ST18: variants seen among roughly 807,000 people sequenced by gnomAD.
ST18 encodes the protein suppression of tumorigenicity 18 protein.
A neutral mutation model predicts 110.0 loss-of-function variants in ST18; 50 were observed. The observed-to-expected ratio is 0.45, with a 90% CI of 0.36 to 0.58. The LOEUF (loss-of-function observed/expected upper bound fraction) is 0.58. Among genes scored for constraint, ST18 ranks in the 20% least tolerant of loss-of-function variants. ST18 has a pLI of 0.00. For missense variants in ST18, 1,306 were observed against 1,280.1 expected (o/e 1.02, Z -0.31); for synonymous variants, 461 against 452.4 (o/e 1.02, Z -0.24).
intron 15 of ST18, among the ~76,000 whole-genome samples, chr8:52,156,943 C>T (rs1248684146): frequency 2.0e-5 from 3 of 152,168 alleles, no homozygotes; most frequent in Non-Finnish European, 2.9e-5. Flanking sequence ...CTTCCACCCT[C>T]GTCACCACAT....
chr8:52,209,702 G>A (rs917136360), intron 8 of ST18, among the ~76,000 whole-genome samples: 17 of 149,344 alleles, frequency 1.1e-4, no homozygotes, highest in Admixed American at 2.0e-4. Flanking sequence ...CCCAGGAGGC[G>A]GAGGTTGCAG....
At position 52,171,661 on chromosome 8, in the gene ST18, A is replaced by G. The variant is rs893250174; in HGVS notation, c.1069+131T>C. On this transcript the variant is annotated intron_variant, in intron 10 of 25. Transcript: ENST00000689386. ...GGAAAAGAAAGAAATTGTTTATTTTATAATTATAAATTGATTTTTAAGTTG... is the reference window on the plus strand; with the variant it reads ...GGAAAAGAAAGAAATTGTTTATTTTGTAATTATAAATTGATTTTTAAGTTG... 4 of 925,434 alleles carry G rather than the reference A, an allele frequency of 4.3e-6. No homozygotes were observed. In the African/African-American group the frequency reaches 5.0e-5, roughly 12 times the overall value. 57.3% of individuals were successfully genotyped at this position (925,434 alleles called of 1,614,324 possible).
At chr8:52,240,687 T>C (rs1484965472) in intron 2 of ST18, among the ~76,000 whole-genome samples, 1 of 152,206 alleles carries the variant, frequency 6.6e-6, no homozygotes, top group Non-Finnish European at 1.5e-5. Context: ...GTCAAACTTC[T>C]TAATATTCCC....
At chr8:52,166,614 A>G (rs1026636969) in intron 11 of ST18, among the ~76,000 whole-genome samples, 2 of 152,184 alleles carry the variant, frequency 1.3e-5, no homozygotes, top group African/African-American at 4.8e-5. Flanking sequence ...TCCTCTGGAC[A>G]CTGTGAGGAA....
intron 22 of ST18, among the ~76,000 whole-genome samples, chr8:52,130,622 T>C (rs933804355): frequency 2.6e-5 from 4 of 152,242 alleles, no homozygotes; most frequent in African/African-American, 7.2e-5. Flanking sequence ...GCATTTGTTG[T>C]TTTCAAATTG....
At chr8:52,153,438 CT>C (rs548783881) in intron 15 of ST18, among the ~76,000 whole-genome samples, 4 of 152,114 alleles carry the variant, frequency 2.6e-5, no homozygotes, top group Non-Finnish European at 4.4e-5. Context: ...TTGGGAGTAT[CT>C]TTTCCATACT....
At chr8:52,238,417 A>G (rs570684838) in intron 2 of ST18, among the ~76,000 whole-genome samples, 1 of 152,216 alleles carries the variant, frequency 6.6e-6, no homozygotes, top group South Asian at 2.1e-4. Flanking sequence ...CAACCTCTAT[A>G]GAAAACAGTA....
intron 2 of ST18, among the ~76,000 whole-genome samples, chr8:52,320,088 A>G (rs1025427091): frequency 6.6e-6 from 1 of 152,230 alleles, no homozygotes; most frequent in African/African-American, 2.4e-5. Flanking sequence ...ATTTGGGCCT[A>G]TATTTTAAAA....
At chr8:52,291,222 G>A (rs2095550785) in intron 2 of ST18, among the ~76,000 whole-genome samples, 1 of 152,170 alleles carries the variant, frequency 6.6e-6, no homozygotes, top group Admixed American at 6.5e-5. Context: ...TGCTGGTTAA[G>A]CTCCCATTTT....
At chr8:52,360,054 G>A (rs1825014078) in intron 2 of ST18, among the ~76,000 whole-genome samples, 1 of 152,006 alleles carries the variant, frequency 6.6e-6, no homozygotes, top group African/African-American at 2.4e-5. Flanking sequence ...ATTAGTATGA[G>A]AAACTAATTT....
intron 2 of ST18, among the ~76,000 whole-genome samples, chr8:52,367,514 T>G (rs7464269): frequency 6.6e-6 from 1 of 152,112 alleles, no homozygotes; most frequent in Non-Finnish European, 1.5e-5. Flanking sequence ...AGTGTATAAA[T>G]ATATAAAGGT....
chr8:52,177,970 T>C (rs2067559754), intron 9 of ST18, among the ~76,000 whole-genome samples: 1 of 152,242 alleles, frequency 6.6e-6, no homozygotes, highest in South Asian at 2.1e-4. Flanking sequence ...TTCATTATTA[T>C]TATTAGTGGT....
At chr8:52,175,188 A>AC (rs1554665288) in intron 9 of ST18, among the ~76,000 whole-genome samples, 3 of 152,202 alleles carry the variant, frequency 2.0e-5, no homozygotes, top group Non-Finnish European at 4.4e-5. Context: ...TGGAGGCCAC[A>AC]CGGGAATACC....
chr8:52,140,256 G>A (rs562305131), intron 17 of ST18, among the ~76,000 whole-genome samples: 24 of 152,228 alleles, frequency 1.6e-4, no homozygotes, highest in Non-Finnish European at 2.6e-4. Context: ...TAGACTGGGC[G>A]TGGTGGCTCA....
intron 8 of ST18, among the ~76,000 whole-genome samples, chr8:52,196,821 C>T (rs1302245019): frequency 6.6e-6 from 1 of 152,134 alleles, no homozygotes; most frequent in African/African-American, 2.4e-5. Context: ...AGCCAACTGT[C>T]ACTCATGCAT....
In ST18 at chr8:52,110,966, A is replaced by G; in HGVS notation, c.*2232T>C. The stretch of plus-strand genomic sequence containing the variant: ...CAAACAAACTACCTCAAATTAAAAA[A>G]AATGCATACATCATTGCCTTTTTGT... On this transcript the variant is annotated 3_prime_UTR_variant, in exon 26 of 26. Transcript: ENST00000689386. 2.5e-6 allele frequency: 1 copy of G among 398,692 alleles called. No individual in the cohort carries two copies. The highest frequency in any genetic ancestry group is 4.4e-6 in the Non-Finnish European group (1 of 225,852). The allele number at this position is 398,692 out of a possible 1,614,324, so 24.7% of individuals were successfully genotyped here.
In ST18 at chr8:52,111,033, TG is replaced by T. The variant is rs1478683665; in HGVS notation, c.*2164del. On this transcript the variant is annotated 3_prime_UTR_variant, in exon 26 of 26. Transcript: ENST00000689386. ...TTACAGTATTGATCATTAACATAGT[TG>T]AAAAGAAAACAAATTCAGTGCACAT... The T allele has an allele frequency of 2.5e-6, 1 of 398,560 alleles. No homozygotes were observed. The highest frequency in any genetic ancestry group is 4.4e-6 in the Non-Finnish European group (1 of 225,900). The allele number at this position is 398,560 out of a possible 1,614,324, so 24.7% of individuals were successfully genotyped here. A position where few individuals can be genotyped will look rare whatever the true frequency, so the allele number is the denominator to read the frequency against.
At chr8:52,186,799 G>C (rs908347030) in intron 8 of ST18, among the ~76,000 whole-genome samples, 6 of 152,162 alleles carry the variant, frequency 3.9e-5, no homozygotes, top group African/African-American at 1.2e-4. Context: ...TCTAGGCAAT[G>C]AAAGTGCATA....
intron 23 of ST18, among the ~76,000 whole-genome samples, chr8:52,120,977 T>C (rs1233471049): frequency 6.6e-6 from 1 of 152,174 alleles, no homozygotes; most frequent in Non-Finnish European, 1.5e-5. Flanking sequence ...ACTGCTTGTT[T>C]CTGCCAGAGC....
Sources: gnomAD v4.1 joint callset for allele counts (sites outside exome capture counted in the v4.1 genomes callset) on GRCh38, gnomAD v4.1.1 for gene constraint, MANE v1.5 for transcripts, NCBI Gene and HGNC (gene_info 2026-07-23, HGNC 2026-07-21) for gene names.